NEK11: variants seen among roughly 807,000 people sequenced by gnomAD.
NEK11 encodes serine/threonine-protein kinase Nek11.
In NEK11, 72 loss-of-function variants were observed where a neutral mutation model predicts 80.7. That is an observed-to-expected ratio of 0.89 (90% CI 0.74 to 1.08). NEK11 has a LOEUF of 1.08. Among genes scored for constraint, NEK11 ranks in the 50% least tolerant of loss-of-function variants. NEK11 has a pLI of 0.00. For missense variants in NEK11, 764 were observed against 763.6 expected, an observed-to-expected ratio of 1.00 and a Z score of -0.01; for synonymous variants, 251 against 260.7, an observed-to-expected ratio of 0.96 and a Z score of 0.36.
rs574624134 is a variant in NEK11 at position 131,302,371 on chromosome 3, AT to A, written c.1718+28801del. 4.4e-4 allele frequency among the ~76,000 whole-genome samples: 67 copies of A among 151,914 alleles called. 2 individuals carry two copies. Among genetic ancestry groups the A allele is most frequent in the Admixed American group, 2.6e-3 (40 of 15,238 alleles). On this transcript the variant is annotated intron_variant, in intron 17 of 17. Transcript: ENST00000383366. ...CTCAGTTTCATTCAGTTCAGCTCTG[AT>A]TTTGGTTAGTTCTTGTCTTCAGCTT...
At chr3:131,073,914 C>T (rs2073889610) in intron 3 of NEK11, among the ~76,000 whole-genome samples, 1 of 152,150 alleles carries the variant, frequency 6.6e-6, no homozygotes, top group Non-Finnish European at 1.5e-5. Flanking sequence ...GGAATTAATA[C>T]TTCCAGGGAG....
At chr3:131,168,986 T>C (rs1357009654) in intron 13 of NEK11, 49 bp downstream of exon 13, 8 of 1,415,124 alleles carry the variant, frequency 5.7e-6, no homozygotes, top group South Asian at 3.6e-5. Context: ...GGTTTAATGA[T>C]ATCCAGAGAA....
chr3:131,061,963 C>T (rs979544475), intron 3 of NEK11, among the ~76,000 whole-genome samples: 1 of 152,178 alleles, frequency 6.6e-6, no homozygotes, highest in East Asian at 1.9e-4. Flanking sequence ...CTGTAGCGTA[C>T]ACCATGTTCA....
rs560404151 is a variant in NEK11, at chr3:131,332,892, C to T, written c.1719-16665C>T. ...GTGATGGAAGACTAAATGAATGAAA[C>T]GAAGCGAGAAGGGAAGTTTAGAGAA... On this transcript the variant is annotated intron_variant, in intron 17 of 17. Transcript: ENST00000383366. Among the ~76,000 whole-genome samples the T allele has an allele frequency of 1.2e-3, 188 of 152,016 alleles. 1 individual carries two copies. The highest frequency in any genetic ancestry group is 4.3e-3 in the African/African-American group (180 of 41,472).
At chr3:131,098,318 A>G (rs866071427) in intron 4 of NEK11, among the ~76,000 whole-genome samples, 1 of 152,258 alleles carries the variant, frequency 6.6e-6, no homozygotes, top group African/African-American at 2.4e-5. Flanking sequence ...ATCTAATTGA[A>G]CTAAAGAGTT....
intron 17 of NEK11, among the ~76,000 whole-genome samples, chr3:131,331,747 G>A (rs997702859): frequency 6.6e-6 from 1 of 152,160 alleles, no homozygotes; most frequent in African/African-American, 2.4e-5. Flanking sequence ...TGGAAAATCG[G>A]GTCACTCCCA....
intron 7 of NEK11, among the ~76,000 whole-genome samples, chr3:131,141,297 G>T (rs930775748): frequency 6.6e-6 from 1 of 152,154 alleles, no homozygotes; most frequent in Non-Finnish European, 1.5e-5. Flanking sequence ...TGACAGCTGG[G>T]GATAGGGGTA....
At chr3:131,306,715 C>T (rs552101834) in intron 17 of NEK11, among the ~76,000 whole-genome samples, 33 of 152,310 alleles carry the variant, frequency 2.2e-4, no homozygotes, top group African/African-American at 7.2e-4. Context: ...CTTCTCTTTT[C>T]CCCCTACTGG....
chr3:131,237,618 C>A (rs1179661737), intron 15 of NEK11, among the ~76,000 whole-genome samples: 1 of 152,002 alleles, frequency 6.6e-6, no homozygotes, highest in Non-Finnish European at 1.5e-5. Flanking sequence ...AATAGACATC[C>A]TGAAATAAGC....
chr3:131,295,118 T>C (rs1332758643), intron 17 of NEK11, among the ~76,000 whole-genome samples: 1 of 152,144 alleles, frequency 6.6e-6, no homozygotes, highest in Non-Finnish European at 1.5e-5. Context: ...TCTACCCTAT[T>C]TCTTACTGTT....
chr3:131,176,678 T>C (rs1543130), intron 14 of NEK11, among the ~76,000 whole-genome samples: 11,859 of 152,184 alleles, frequency 0.078, 1,012 homozygotes, highest in East Asian at 0.43. Flanking sequence ...GGGTGCTGTC[T>C]AACACCTGCC....
At chr3:131,188,284 G>A (rs1475578940) in intron 14 of NEK11, among the ~76,000 whole-genome samples, 1 of 152,056 alleles carries the variant, frequency 6.6e-6, no homozygotes, top group Non-Finnish European at 1.5e-5. Flanking sequence ...AATAGTCAGT[G>A]GTATTTCTTT....
chr3:131,135,086 A>AT (rs1036151894), intron 7 of NEK11, among the ~76,000 whole-genome samples: 3 of 152,112 alleles, frequency 2.0e-5, no homozygotes, highest in Non-Finnish European at 4.4e-5. Flanking sequence ...AGAAAATTAC[A>AT]TTTTCTCTGG....
intron 17 of NEK11, chr3:131,325,104 T>G (rs2096945208): frequency 6.6e-6 from 1 of 152,172 alleles, no homozygotes; most frequent in Non-Finnish European, 1.5e-5. Flanking sequence ...TATGCAAGAA[T>G]GTTCCAGCAG....
chr3:131,202,831 T>C (rs545342902), intron 14 of NEK11, among the ~76,000 whole-genome samples: 4 of 152,282 alleles, frequency 2.6e-5, no homozygotes, highest in South Asian at 2.1e-4. Context: ...TGAAAAAATG[T>C]TCATCATCAC....
chr3:131,031,454 T>C (rs116164865), intron 3 of NEK11, among the ~76,000 whole-genome samples: 493 of 152,304 alleles, frequency 3.2e-3, no homozygotes, highest in African/African-American at 0.011. Context: ...AAAACTACAC[T>C]GTAGGATCAT....
chr3:131,292,234 A>T (rs575445296), intron 17 of NEK11, among the ~76,000 whole-genome samples: 1 of 152,250 alleles, frequency 6.6e-6, no homozygotes, highest in Non-Finnish European at 1.5e-5. Flanking sequence ...GACTACATTT[A>T]TGTGGGTCTA....
At chr3:131,243,703 C>T (rs1232108993) in intron 16 of NEK11, among the ~76,000 whole-genome samples, 2 of 152,064 alleles carry the variant, frequency 1.3e-5, no homozygotes, top group Admixed American at 6.6e-5. Context: ...CTCTTAGTCT[C>T]CAAGGATGAA....
At chr3:131,231,589 G>T (rs1200296585) in intron 15 of NEK11, among the ~76,000 whole-genome samples, 1 of 151,606 alleles carries the variant, frequency 6.6e-6, no homozygotes, top group Non-Finnish European at 1.5e-5. Flanking sequence ...AGAGTAATTT[G>T]TATTAGAGAC....
Sources: allele counts gnomAD v4.1 joint callset (sites outside exome capture counted in the v4.1 genomes callset), GRCh38; gene constraint gnomAD v4.1.1; transcripts MANE v1.5; gene names NCBI Gene and HGNC (gene_info 2026-07-23, HGNC 2026-07-21).